CROCC2: variants seen among roughly 807,000 people sequenced by gnomAD.
CROCC2 encodes the protein ciliary rootlet coiled-coil, rootletin family member 2.
CROCC2 carries 163 observed loss-of-function variants against 177.6 expected under a neutral mutation model. That is an observed-to-expected ratio of 0.92 (90% CI 0.81 to 1.05). The LOEUF is 1.05. CROCC2 is among the 50% of genes least tolerant of loss of function. The pLI, the probability that CROCC2 is intolerant of heterozygous loss-of-function variation, is 0.00. For synonymous variants in CROCC2, 904 were observed against 787.3 expected (o/e 1.15, Z -2.48); for missense variants, 1,929 against 1,797.8 (o/e 1.07, Z -1.32).
At chr2:240,922,778 A>T (rs2059365186) in intron 4 of CROCC2, 133 bp downstream of exon 4, 1 of 475,172 alleles carries the variant, frequency 2.1e-6, no homozygotes, top group South Asian at 3.4e-5. Context: ...TCCCTGTGGG[A>T]GCCAACCCAG....
intron 4 of CROCC2, among the ~76,000 whole-genome samples, chr2:240,922,970 C>T (rs983467887): frequency 4.6e-5 from 7 of 152,076 alleles, no homozygotes; most frequent in South Asian, 2.1e-4. Flanking sequence ...GGGCCTCTCA[C>T]GCAACCAGGC....
chr2:240,933,622 C>T, intron 10 of CROCC2, 48 bp from the exon 11 acceptor site: 1 of 1,535,220 alleles, frequency 6.5e-7, no homozygotes. Flanking sequence ...ACGCGGTGCA[C>T]CTTGAATGTG....
Position 240,993,268 on chromosome 2 carries a change from G to C in CROCC2, c.*187G>C, listed in dbSNP as rs552225176. ...TGGGGAACATTTGAAATGCATGTGG[G>C]GGCCTCCGAATTTTGAATTTTAATA... is the stretch of plus-strand genomic sequence containing the variant. On this transcript the variant is annotated 3_prime_UTR_variant, in exon 32 of 32. Coordinates refer to ENST00000690015, the MANE Select transcript of CROCC2 (RefSeq NM_001351305.2). 72 of 542,506 alleles carry C rather than the reference G, an allele frequency of 1.3e-4. 2 individuals are homozygous for C. In the Middle Eastern group the frequency reaches 2.5e-3, roughly 18 times the overall value. The allele number at this position is 542,506 out of a possible 1,614,324, so 33.6% of individuals were successfully genotyped here.
chr2:240,948,749 C>T (rs746775959), intron 15 of CROCC2, among the ~76,000 whole-genome samples: 7 of 152,182 alleles, frequency 4.6e-5, no homozygotes, highest in African/African-American at 1.7e-4. Flanking sequence ...GGTCCAGTTG[C>T]GTGCGTGGCT....
intron 3 of CROCC2, 60 bp from the exon 4 acceptor site, chr2:240,922,479 C>A: frequency 3.1e-6 from 2 of 643,880 alleles, no homozygotes; most frequent in Non-Finnish European, 5.8e-6. Context: ...CAAGATGCCC[C>A]AGCCCCTGCC....
In CROCC2 at chr2:240,965,799, A is replaced by T. The variant is rs1488391911; in HGVS notation, c.3767A>T (p.Asp1256Val). 2.7e-6 allele frequency: 4 copies of T among 1,479,452 alleles called. No individual in the cohort carries two copies. In the East Asian group the frequency reaches 9.9e-5, roughly 37 times the overall value. The allele number at this position is 1,479,452 out of a possible 1,614,324, so 91.6% of individuals were successfully genotyped here. Reference protein sequence around the residue: ...RKLQEASGVADALQARLDQAC... With the variant: ...RKLQEASGVAVALQARLDQAC... ...CTGCAGGAAGCCAGTGGTGTGGCTG[A>T]TGCTCTCCAGGCTCGCCTGGACCAG... is the stretch of plus-strand genomic sequence containing the variant. Residue 1256 changes from aspartate (D) to valine (V), a missense_variant, in exon 24 of 32, where the codon GAT (aspartate) becomes GTT (valine). Asp to Val is a radical substitution (Grantham distance 152). Around this residue, in one of 3 missense-constraint regions of CROCC2, gnomAD observed 144 missense variants for 205.2 expected, o/e 0.70. Coordinates refer to ENST00000690015, the MANE Select transcript of CROCC2 (RefSeq NM_001351305.2).
Position 240,946,263 on chromosome 2 carries a change from G to C in CROCC2, c.2363+10G>C. ...AGGCAGCTGATCTCAGGTATGCAAG[G>C]GCCTGCCAGTCAGGGCATGTCCCAC... On this transcript the variant is annotated intron_variant, in intron 15 of 31. Transcript: ENST00000690015. The C allele has an allele frequency of 1.3e-6, 2 of 1,519,484 alleles. No homozygotes were observed. Among genetic ancestry groups the C allele is most frequent in the Non-Finnish European group, 1.8e-6 (2 of 1,123,522 alleles). The allele number at this position is 1,519,484 out of a possible 1,614,324, so 94.1% of individuals were successfully genotyped here.
chr2:240,991,635 C>T (rs995084143), intron 31 of CROCC2, among the ~76,000 whole-genome samples: 2 of 152,212 alleles, frequency 1.3e-5, no homozygotes, highest in Non-Finnish European at 2.9e-5. Context: ...CAGCCCCTTC[C>T]CCTCCGGCAG....
chr2:240,988,132 T>A (rs1206009160), intron 28 of CROCC2, among the ~76,000 whole-genome samples: 1 of 152,226 alleles, frequency 6.6e-6, no homozygotes, highest in African/African-American at 2.4e-5. Context: ...TCCCTGATTT[T>A]TAACCTGGAG....
At position 240,972,483 on chromosome 2, in the gene CROCC2, A is replaced by G. The variant is rs1196314439; in HGVS notation, c.4401+4221A>G. ...CAACCCTCTTCCCTGAGGTCCTGGT[A>G]GTACAGAGTTGCCTCCCCAACACCC... On this transcript the variant is annotated intron_variant, in intron 27 of 31. Transcript: ENST00000690015. The surrounding 1 kb of genome is among the most constrained non-coding windows in gnomAD (Gnocchi z 7.1). Among the ~76,000 whole-genome samples, 2 of 152,046 alleles carry G rather than the reference A, an allele frequency of 1.3e-5. No homozygotes were observed. The highest frequency in any genetic ancestry group is 4.8e-5 in the African/African-American group (2 of 41,400).
chr2:240,986,510 C>A (rs930781491), intron 28 of CROCC2, among the ~76,000 whole-genome samples: 9 of 152,342 alleles, frequency 5.9e-5, no homozygotes, highest in African/African-American at 2.2e-4. Context: ...TAGGGACAGG[C>A]CTGGAAAGCC....
At chr2:240,964,714 C>A in intron 22 of CROCC2, 89 bp downstream of exon 22, 3 of 1,420,146 alleles carry the variant, frequency 2.1e-6, no homozygotes, top group South Asian at 1.4e-5. Context: ...CCAGCCCTGG[C>A]CTTGCTGCCG....
intron 22 of CROCC2, 104 bp downstream of exon 22, chr2:240,964,729 T>G: frequency 2.2e-6 from 3 of 1,352,458 alleles, no homozygotes; most frequent in Non-Finnish European, 3.0e-6. Context: ...CTGCCGCCTT[T>G]GAACCACTCT....
intron 1 of CROCC2, among the ~76,000 whole-genome samples, chr2:240,907,718 G>A (rs564471440): frequency 3.4e-5 from 5 of 146,112 alleles, no homozygotes; most frequent in African/African-American, 1.2e-4. Flanking sequence ...TCCTCCACCT[G>A]GGGTGAGCTC....
At chr2:240,959,467 TCCTGGGGATG>T in intron 20 of CROCC2, 23 bp downstream of exon 20, 1 of 1,546,964 alleles carries the variant, frequency 6.5e-7, no homozygotes, top group African/African-American at 1.4e-5. Flanking sequence ...GCTGGGGGGC[TCCTGGGGATG>T]CCAGAGGACA....
intron 6 of CROCC2, among the ~76,000 whole-genome samples, chr2:240,930,603 G>T (rs920692205): frequency 2.0e-5 from 3 of 152,140 alleles, no homozygotes; most frequent in African/African-American, 7.2e-5. Flanking sequence ...CCCTTGCTGG[G>T]TGCCACACTG....
At chr2:240,945,303 A>T (rs2059516540) in intron 14 of CROCC2, among the ~76,000 whole-genome samples, 1 of 152,180 alleles carries the variant, frequency 6.6e-6, no homozygotes, top group Non-Finnish European at 1.5e-5. Flanking sequence ...CGTGACTGGG[A>T]TGATTCGCAC....
intron 31 of CROCC2, among the ~76,000 whole-genome samples, chr2:240,991,849 A>G (rs1488710761): frequency 6.6e-6 from 1 of 152,208 alleles, no homozygotes; most frequent in Non-Finnish European, 1.5e-5. Context: ...ATTTCCACCA[A>G]CCGGAGCCAA....
chr2:240,963,700 G>T lies in CROCC2; in HGVS notation c.3232G>T (p.Glu1078Ter). 1.9e-6 allele frequency: 3 copies of T among 1,550,328 alleles called. No individual in the cohort carries two copies. The highest frequency in any genetic ancestry group is 2.6e-6 in the Non-Finnish European group (3 of 1,146,828). ...ARRALSDEAR[E>*]KDVLLLFNSE... is the part of the protein sequence containing the mutation. Reference sequence around the variant, plus strand: ...CCGGGCGCTGAGTGACGAGGCCCGCGAGAAGGACGTACTGTTGCTTTTCAA... The same window carrying T: ...CCGGGCGCTGAGTGACGAGGCCCGCTAGAAGGACGTACTGTTGCTTTTCAA... Residue 1078 changes from glutamate to a stop codon, truncating the protein, a stop_gained, in exon 21 of 32, where the codon GAG becomes TAG. Coordinates refer to ENST00000690015, the MANE Select transcript of CROCC2 (RefSeq NM_001351305.2). LOFTEE classifies it high-confidence loss of function.
Sources: allele counts gnomAD v4.1 joint callset (sites outside exome capture counted in the v4.1 genomes callset), GRCh38; gene constraint gnomAD v4.1.1; regional missense constraint gnomAD v4.1.1; non-coding constraint Gnocchi (gnomAD v3.1); transcripts MANE v1.5; gene names NCBI Gene and HGNC (gene_info 2026-07-23, HGNC 2026-07-21).